The following DMD variants were observed in gnomAD, a reference collection of about 807,000 sequenced individuals.
DMD encodes the protein dystrophin, also known as mutant dystrophin.
In DMD, 63 loss-of-function variants were observed where a neutral mutation model predicts 330.1. The observed-to-expected ratio is 0.19, with a 90% CI of 0.16 to 0.24. DMD has a LOEUF of 0.24. DMD is among the 10% of genes least tolerant of loss of function. DMD has a pLI of 1.00. For synonymous variants in DMD, 1,223 were observed against 959.8 expected, an observed-to-expected ratio of 1.27 and a Z score of -5.07; for missense variants, 3,344 against 2,684.1, an observed-to-expected ratio of 1.25 and a Z score of -5.43.
intron 7 of DMD, among the ~76,000 whole-genome samples, chrX:32,793,264 A>C (rs190231797): frequency 5.3e-4 from 59 of 111,631 alleles, no homozygotes; most frequent in African/African-American, 1.7e-3. Context: ...AAAATATAAT[A>C]ACACCTACGG....
At chrX:31,736,350 C>T (rs890983359) in intron 51 of DMD, among the ~76,000 whole-genome samples, 5 of 110,881 alleles carry the variant, frequency 4.5e-5, no homozygotes, top group African/African-American at 1.6e-4. Flanking sequence ...TATTGGAGAA[C>T]AAAAGTCACT....
rs2048863086 is a variant in DMD, at chrX:32,545,284, T to C, written c.2043A>G (p.Val681=). Residue 681 remains valine (V), a synonymous_variant, in exon 17 of 79, where the codon GTA becomes GTG. Coordinates refer to ENST00000357033, the MANE Select transcript of DMD (RefSeq NM_004006.3). ...TGGTCACCGTAGTTACTGTTTCCATTACAGTTGTCTGTGTTAGTGATGGCT... is the reference window on the plus strand; with the variant it reads ...TGGTCACCGTAGTTACTGTTTCCATCACAGTTGTCTGTGTTAGTGATGGCT... ...TTQPSLTQTT[V]METVTTVTTR... is the part of the protein sequence containing the mutation. 1 of 1,210,635 alleles carries C rather than the reference T, an allele frequency of 8.3e-7. No homozygotes were observed. Among genetic ancestry groups the C allele is most frequent in the African/African-American group, 1.7e-5 (1 of 57,734 alleles).
At chrX:33,321,706 A>G (rs1008627810) in intron 1 of DMD, among the ~76,000 whole-genome samples, 1 of 112,186 alleles carries the variant, frequency 8.9e-6, no homozygotes, top group Non-Finnish European at 1.9e-5. Flanking sequence ...TCTCCTTTCT[A>G]GCTATGAAAA....
At chrX:32,947,306 T>A (rs1228886880) in intron 2 of DMD, among the ~76,000 whole-genome samples, 4 of 112,149 alleles carry the variant, frequency 3.6e-5, no homozygotes, top group Non-Finnish European at 7.5e-5. Context: ...AACTCAAGAA[T>A]TAAAAAAATA....
At chrX:32,608,791 T>C (rs767759546) in intron 12 of DMD, among the ~76,000 whole-genome samples, 1 of 110,694 alleles carries the variant, frequency 9.0e-6, no homozygotes, top group South Asian at 3.7e-4. Context: ...ATACAGTATT[T>C]TTTCAGATTA....
At chrX:31,735,095 G>C (rs750004896) in intron 51 of DMD, among the ~76,000 whole-genome samples, 2 of 111,114 alleles carry the variant, frequency 1.8e-5, no homozygotes, top group African/African-American at 3.3e-5. Flanking sequence ...CTAAGGCAGA[G>C]AGCCTTCCTT....
At chrX:32,706,919 C>A (rs2064720278) in intron 7 of DMD, among the ~76,000 whole-genome samples, 1 of 110,397 alleles carries the variant, frequency 9.1e-6, no homozygotes, top group Non-Finnish European at 1.9e-5. Context: ...TGGTGAAACC[C>A]CGTCTCTATT....
intron 64 of DMD, among the ~76,000 whole-genome samples, chrX:31,212,624 A>AT (rs987975186): frequency 1.6e-4 from 18 of 111,129 alleles, no homozygotes; most frequent in Non-Finnish European, 2.5e-4. Context: ...TGTAAGACAG[A>AT]TTTTTTTTGT....
At chrX:31,363,484 G>A (rs981269496) in intron 60 of DMD, among the ~76,000 whole-genome samples, 15 of 103,286 alleles carry the variant, frequency 1.5e-4, no homozygotes, top group Non-Finnish European at 3.9e-5. Context: ...GGGTTCAAGC[G>A]ATTCTCCTGC....
At chrX:31,634,885 A>C (rs2079325285) in intron 54 of DMD, among the ~76,000 whole-genome samples, 1 of 111,837 alleles carries the variant, frequency 8.9e-6, no homozygotes, top group Non-Finnish European at 1.9e-5. Flanking sequence ...AGAAATGTAC[A>C]CAGTGTTATG....
chrX:32,713,623 A>T (rs1465442703), intron 7 of DMD, among the ~76,000 whole-genome samples: 1 of 111,788 alleles, frequency 8.9e-6, no homozygotes, highest in Non-Finnish European at 1.9e-5. Flanking sequence ...CTATTTGTTA[A>T]TATATACTTC....
At position 31,488,907 on chromosome X, in the gene DMD, TA is replaced by T. The variant is rs199735040; in HGVS notation, c.8547+7880del. Among the ~76,000 whole-genome samples the T allele has an allele frequency of 1.1e-3, 124 of 111,922 alleles. No homozygotes were observed. The East Asian group carries it at 0.034, about 31-fold the overall frequency. On this transcript the variant is annotated intron_variant, in intron 57 of 78. Transcript: ENST00000357033. Reference sequence around the variant, plus strand: ...CAGTGATGTCTCTTTACTCACAGAATAAAATCCACCTCCAAACTATGGCCTG... The same window carrying T: ...CAGTGATGTCTCTTTACTCACAGAATAAATCCACCTCCAAACTATGGCCTG...
chrX:32,237,977 C>G (rs113496351), intron 43 of DMD, among the ~76,000 whole-genome samples: 4,515 of 112,010 alleles, frequency 0.04, 102 homozygotes, highest in Non-Finnish European at 0.064. Context: ...TCTCCAATCA[C>G]AACTAAACAT....
At chrX:33,017,825 T>C (rs2093832985) in intron 2 of DMD, among the ~76,000 whole-genome samples, 1 of 111,619 alleles carries the variant, frequency 9.0e-6, no homozygotes. Flanking sequence ...AATAACTGTG[T>C]AGGTTCCATG....
At chrX:32,951,083 A>T (rs1300689318) in intron 2 of DMD, among the ~76,000 whole-genome samples, 2 of 111,494 alleles carry the variant, frequency 1.8e-5, no homozygotes, top group East Asian at 5.7e-4. Flanking sequence ...AGGGAGGCTC[A>T]TTCCTTCTGC....
intron 47 of DMD, among the ~76,000 whole-genome samples, chrX:31,888,564 T>G (rs1047724916): frequency 1.8e-5 from 2 of 111,558 alleles, no homozygotes; most frequent in Non-Finnish European, 3.8e-5. Context: ...ATTTGGAGAG[T>G]TCATTTTGCC....
In DMD at chrX:32,428,871, C is replaced by T. The variant is rs148708708; in HGVS notation, c.4071+9370G>A. ...AGGTGAGCCACCCACCTCGGCCTCTCAAAGTGCTGGGATTAGAGGCGTGAG... is the reference window on the plus strand; with the variant it reads ...AGGTGAGCCACCCACCTCGGCCTCTTAAAGTGCTGGGATTAGAGGCGTGAG... On this transcript the variant is annotated intron_variant, in intron 29 of 78. Transcript: ENST00000357033. 9.8e-3 allele frequency among the ~76,000 whole-genome samples: 1,096 copies of T among 111,727 alleles called. 5 individuals are homozygous for T. The highest frequency in any genetic ancestry group is 0.013 in the Non-Finnish European group (711 of 53,122).
intron 17 of DMD, among the ~76,000 whole-genome samples, chrX:32,519,743 A>G (rs2046240463): frequency 1.8e-5 from 2 of 112,218 alleles, no homozygotes; most frequent in Non-Finnish European, 3.8e-5. Context: ...GACCTGATCT[A>G]TTGAACTCCA....
chrX:31,835,633 C>G (rs1193287083), intron 49 of DMD, among the ~76,000 whole-genome samples: 1 of 111,400 alleles, frequency 9.0e-6, no homozygotes, highest in Non-Finnish European at 1.9e-5. Flanking sequence ...ACATTAAGCT[C>G]AGGTGCAAAC....
Sources: gnomAD v4.1 joint callset for allele counts (sites outside exome capture counted in the v4.1 genomes callset) on GRCh38, gnomAD v4.1.1 for gene constraint, MANE v1.5 for transcripts, NCBI Gene and HGNC (gene_info 2026-07-23, HGNC 2026-07-21) for gene names.